Variants in ANO3 observed in about 807,000 individuals in gnomAD.
ANO3 encodes the protein anoctamin-3.
In ANO3, 99 loss-of-function variants were observed where a neutral mutation model predicts 144.8. That is an observed-to-expected ratio of 0.68 (90% CI 0.58 to 0.81). The LOEUF is 0.81. Among genes scored for constraint, ANO3 ranks in the 30% least tolerant of loss-of-function variants. ANO3 has a pLI of 0.00. For missense variants in ANO3, 905 were observed against 1,202.2 expected, an observed-to-expected ratio of 0.75 and a Z score of 3.66; for synonymous variants, 414 against 392.6, an observed-to-expected ratio of 1.05 and a Z score of -0.64.
intron 1 of ANO3, among the ~76,000 whole-genome samples, chr11:26,359,132 C>G (rs185252001): frequency 1.3e-5 from 2 of 152,240 alleles, no homozygotes; most frequent in Non-Finnish European, 2.9e-5. Context: ...AAACCAGGCA[C>G]TAGCAGTTTT....
intron 1 of ANO3, among the ~76,000 whole-genome samples, chr11:26,235,369 ATG>A (rs1253392313): frequency 6.6e-6 from 1 of 152,164 alleles, no homozygotes; most frequent in Middle Eastern, 3.2e-3. Flanking sequence ...CCATTATTAA[ATG>A]TGTGTGTATG....
intron 1 of ANO3, among the ~76,000 whole-genome samples, chr11:26,396,976 C>T (rs1857030824): frequency 8.0e-6 from 1 of 124,814 alleles, no homozygotes; most frequent in Non-Finnish European, 1.8e-5. Flanking sequence ...TAAGACTGAG[C>T]TAACTAACCT....
intron 14 of ANO3, among the ~76,000 whole-genome samples, chr11:26,581,553 G>C (rs887287598): frequency 6.6e-6 from 1 of 151,832 alleles, no homozygotes; most frequent in Non-Finnish European, 1.5e-5. Context: ...GCTGGGCATG[G>C]TGGCACGTGC....
intron 1 of ANO3, among the ~76,000 whole-genome samples, chr11:26,192,637 C>T (rs371562235): frequency 6.6e-6 from 1 of 151,988 alleles, no homozygotes; most frequent in East Asian, 1.9e-4. Flanking sequence ...TCTTAAATTC[C>T]GTGCATTAGA....
chr11:26,327,405 G>A (rs1173812985), upstream of ANO3, among the ~76,000 whole-genome samples: 1 of 152,162 alleles, frequency 6.6e-6, no homozygotes, highest in Non-Finnish European at 1.5e-5. Context: ...ACATCTAACT[G>A]GCTTTGTACT....
At chr11:26,544,045 T>C (rs1308896671) in intron 11 of ANO3, among the ~76,000 whole-genome samples, 1 of 151,376 alleles carries the variant, frequency 6.6e-6, no homozygotes, top group Non-Finnish European at 1.5e-5. Flanking sequence ...ATTTTAGATA[T>C]TATGAACATA....
At chr11:26,300,354 T>C (rs1345626895) in intron 1 of ANO3, among the ~76,000 whole-genome samples, 1 of 152,132 alleles carries the variant, frequency 6.6e-6, no homozygotes, top group South Asian at 2.1e-4. Flanking sequence ...CATCTCTCTC[T>C]CTCATTTGCT....
Position 26,393,493 on chromosome 11 carries a change from G to T in ANO3, c.47-48425G>T, listed in dbSNP as rs567705009. Among the ~76,000 whole-genome samples the T allele has an allele frequency of 2.2e-4, 33 of 152,252 alleles. No individual in the cohort carries two copies. The South Asian group carries it at 5.2e-3, about 24-fold the overall frequency. On this transcript the variant is annotated intron_variant, in intron 1 of 26. Transcript: ENST00000256737. ...AGAGACCAAGAAGTCAGTATTAAAG[G>T]TTGCTTCCCATATAATACAATGAAG...
At chr11:26,598,513 C>A in intron 15 of ANO3, 66 bp downstream of exon 15, 2 of 1,127,492 alleles carry the variant, frequency 1.8e-6, no homozygotes, top group South Asian at 1.5e-5. Flanking sequence ...AATTACTGCC[C>A]TAGCATTCCG....
intron 17 of ANO3, among the ~76,000 whole-genome samples, chr11:26,609,809 C>A (rs10835015): frequency 1.1e-3 from 166 of 152,086 alleles, no homozygotes; most frequent in African/African-American, 3.9e-3. Context: ...TTCTGAGGAA[C>A]CTTCATAGAG....
upstream of ANO3, among the ~76,000 whole-genome samples, chr11:26,307,950 C>G (rs1004238117): frequency 3.3e-5 from 5 of 152,024 alleles, no homozygotes; most frequent in African/African-American, 1.2e-4. Flanking sequence ...TTTTACACTT[C>G]ACTCATTATT....
intron 1 of ANO3, among the ~76,000 whole-genome samples, chr11:26,387,136 T>G (rs1359817067): frequency 2.5e-5 from 2 of 80,622 alleles, no homozygotes; most frequent in Non-Finnish European, 4.8e-5. Context: ...TAGTATTTTT[T>G]TTTTTTTTTT....
chr11:26,363,397 G>A (rs1026664630), intron 1 of ANO3, among the ~76,000 whole-genome samples: 2 of 152,160 alleles, frequency 1.3e-5, no homozygotes, highest in Non-Finnish European at 2.9e-5. Context: ...TCAGGAGGGT[G>A]TTGGCAGGTG....
At chr11:26,524,726 C>A (rs1317206410) in intron 6 of ANO3, among the ~76,000 whole-genome samples, 2 of 152,156 alleles carry the variant, frequency 1.3e-5, no homozygotes, top group African/African-American at 2.4e-5. Context: ...TCAATATCTT[C>A]CCCTTGCTTT....
chr11:26,230,287 G>C (rs528868847), intron 1 of ANO3, among the ~76,000 whole-genome samples: 1 of 152,192 alleles, frequency 6.6e-6, no homozygotes, highest in South Asian at 2.1e-4. Context: ...TGAAGGACTA[G>C]GGGTAAAGGA....
intron 1 of ANO3, among the ~76,000 whole-genome samples, chr11:26,314,932 C>A (rs1371359849): frequency 1.3e-5 from 2 of 152,126 alleles, no homozygotes; most frequent in Admixed American, 6.6e-5. Flanking sequence ...AGACCCTTCT[C>A]CATCATCATC....
chr11:26,622,607 AAAAT>A (rs1852452162), intron 17 of ANO3, among the ~76,000 whole-genome samples: 1 of 152,142 alleles, frequency 6.6e-6, no homozygotes, highest in African/African-American at 2.4e-5. Context: ...CTTTGTCTCG[AAAAT>A]AAATAAATAG....
intron 4 of ANO3, among the ~76,000 whole-genome samples, chr11:26,476,998 GT>G (rs1860009807): frequency 6.7e-6 from 1 of 150,134 alleles, no homozygotes; most frequent in Non-Finnish European, 1.5e-5. Context: ...ATTTTGTTTT[GT>G]TTCCTGCAAT....
At chr11:26,537,879 T>C (rs1189669058) in intron 10 of ANO3, among the ~76,000 whole-genome samples, 6 of 152,210 alleles carry the variant, frequency 3.9e-5, no homozygotes, top group African/African-American at 1.2e-4. Flanking sequence ...GTCAGATTAT[T>C]ACCTCCCTAC....
Sources: allele counts gnomAD v4.1 joint callset (sites outside exome capture counted in the v4.1 genomes callset), GRCh38; gene constraint gnomAD v4.1.1; transcripts MANE v1.5; gene names NCBI Gene and HGNC (gene_info 2026-07-23, HGNC 2026-07-21).